Variants in COL20A1 observed in about 807,000 individuals in gnomAD.
COL20A1 encodes collagen alpha-1(XX) chain.
COL20A1 carries 164 observed loss-of-function variants against 152.9 expected under a neutral mutation model. The observed-to-expected ratio is 1.07, with a 90% CI of 0.94 to 1.22. The LOEUF is 1.22. COL20A1 is among the 50% of genes most tolerant of loss of function. The pLI is 0.00. For synonymous variants in COL20A1, 864 were observed against 756.0 expected, an observed-to-expected ratio of 1.14 and a Z score of -2.34; for missense variants, 1,873 against 1,744.8, an observed-to-expected ratio of 1.07 and a Z score of -1.31.
At chr20:63,295,346 A>G (rs1427560735) in intron 2 of COL20A1, among the ~76,000 whole-genome samples, 157 bp downstream of exon 2, 5 of 152,228 alleles carry the variant, frequency 3.3e-5, no homozygotes, top group Non-Finnish European at 5.9e-5. Flanking sequence ...GCAAGACGGG[A>G]GGGAGCGTGT....
At chr20:63,317,591 C>G (rs1245052332) in intron 21 of COL20A1, among the ~76,000 whole-genome samples, 1 of 152,132 alleles carries the variant, frequency 6.6e-6, no homozygotes, top group Non-Finnish European at 1.5e-5. Context: ...GAATGTCTCT[C>G]CCAGCCTGTT....
intron 3 of COL20A1, among the ~76,000 whole-genome samples, chr20:63,303,225 G>A (rs1250910824): frequency 6.6e-6 from 1 of 152,150 alleles, no homozygotes; most frequent in Non-Finnish European, 1.5e-5. Context: ...TCAAGCACTT[G>A]TGTTTATTTA....
Position 63,329,673 on chromosome 20 carries a change from C to T in COL20A1, c.*3+12C>T, listed in dbSNP as rs752615847. ...TCTGGGAGTGACAGGTGAGCCCCTGCTGCCTGCATCTATCTGCCAAGGCTG... is the reference window on the plus strand; with the variant it reads ...TCTGGGAGTGACAGGTGAGCCCCTGTTGCCTGCATCTATCTGCCAAGGCTG... On this transcript the variant is annotated intron_variant, in intron 35 of 35. Coordinates refer to ENST00000358894, the MANE Select transcript of COL20A1 (RefSeq NM_020882.4). The T allele has an allele frequency of 2.3e-5, 35 of 1,549,212 alleles. No homozygotes were observed. The Admixed American group carries it at 6.4e-4, about 28-fold the overall frequency.
rs1482455708 is a variant in COL20A1 at position 63,311,518 on chromosome 20, G to A, written c.1518G>A (p.Lys506=). The A allele has an allele frequency of 2.5e-6, 4 of 1,591,882 alleles. No homozygotes were observed. The South Asian group carries it at 4.5e-5, about 18-fold the overall frequency. ...YLVRCSPASP[K]GEEEEREVQV... ...TGCGATGTTCTCCTGCTTCCCCCAA[G>A]GGTGAAGAGGAGGAGCGAGAGGTGA... The change falls in exon 12 of 36, where the codon AAG becomes AAA. Residue 506 remains lysine, a synonymous_variant. Coordinates refer to ENST00000358894, the MANE Select transcript of COL20A1 (RefSeq NM_020882.4). This position sits in a 1 kb window ranked among gnomAD's most constrained non-coding sequence, Gnocchi z 4.4.
intron 7 of COL20A1, 134 bp from the exon 8 acceptor site, chr20:63,308,408 C>T: frequency 2.2e-6 from 2 of 921,964 alleles, no homozygotes; most frequent in Non-Finnish European, 3.2e-6. Flanking sequence ...TCCCTGCTCC[C>T]TTGGGCTGCT....
rs1451216479 is a variant in COL20A1, at chr20:63,311,164, C to T, written c.1394-230C>T. Among the ~76,000 whole-genome samples, 50 of 152,222 alleles carry T rather than the reference C, an allele frequency of 3.3e-4. No homozygotes were observed. Among genetic ancestry groups the T allele is most frequent in the African/African-American group, 2.4e-5 (1 of 41,448 alleles). On this transcript the variant is annotated intron_variant, in intron 11 of 35. Transcript: ENST00000358894. The surrounding 1 kb of genome is among the most constrained non-coding windows in gnomAD (Gnocchi z 4.4). ...TTCACCCCCCGGAGGCCACATTCCT[C>T]CCATGACCTCAAGGCAGATGGCCTT...
chr20:63,299,188 A>G (rs1220579643), intron 3 of COL20A1, among the ~76,000 whole-genome samples: 1 of 152,028 alleles, frequency 6.6e-6, no homozygotes, highest in Non-Finnish European at 1.5e-5. Flanking sequence ...TGTTGTGTAG[A>G]CGCCGTGTGA....
rs939342033 is a variant in COL20A1, at chr20:63,319,434, T to C, written c.2807-53T>C. The C allele has an allele frequency of 2.1e-5, 29 of 1,390,686 alleles. No homozygotes were observed. Among genetic ancestry groups the C allele is most frequent in the Non-Finnish European group, 2.7e-5 (27 of 1,005,958 alleles). The allele number at this position is 1,390,686 out of a possible 1,614,324, so 86.1% of individuals were successfully genotyped here. A position where few individuals can be genotyped will look rare whatever the true frequency, so the allele number is the denominator to read the frequency against. ...CGTGGGGGCCGCCCTGCTCAAGGTA[T>C]AGGCCCGGCTGGTTGCAGCCCGTTC... On this transcript the variant is annotated intron_variant, in intron 22 of 35. Coordinates refer to ENST00000358894, the MANE Select transcript of COL20A1 (RefSeq NM_020882.4). This position sits in a 1 kb window ranked among gnomAD's most constrained non-coding sequence, Gnocchi z 4.4.
At chr20:63,316,895 T>C (rs1443889272) in intron 21 of COL20A1, among the ~76,000 whole-genome samples, 4 of 152,214 alleles carry the variant, frequency 2.6e-5, no homozygotes, top group African/African-American at 7.2e-5. Flanking sequence ...AAAATCTCCA[T>C]GGGCAGAGTG....
At chr20:63,325,801 G>T (rs1015310518) in intron 29 of COL20A1, 80 bp downstream of exon 29, 1 of 1,303,710 alleles carries the variant, frequency 7.7e-7, no homozygotes, top group African/African-American at 1.5e-5. Flanking sequence ...GATGGAGGCT[G>T]TGGGGTAGGG....
Position 63,311,945 on chromosome 20 carries a change from T to A in COL20A1, c.1693T>A (p.Phe565Ile). The A allele has an allele frequency of 6.3e-7, 1 of 1,582,304 alleles. No individual in the cohort carries two copies. The highest frequency in any genetic ancestry group is 8.6e-7 in the Non-Finnish European group (1 of 1,166,906). The change falls in exon 14 of 36, where the codon TTC becomes ATC. Residue 565 changes from phenylalanine to isoleucine, a missense_variant. Physicochemically the swap from Phe to Ile is conservative, Grantham distance 21. Transcript: ENST00000358894. This position sits in a 1 kb window ranked among gnomAD's most constrained non-coding sequence, Gnocchi z 4.4. Reference sequence around the variant, plus strand: ...CCTGGCCCCCCCGAGACACCTGGGCTTCTCAGACGTGAGCCACGACGCGGC... The same window carrying A: ...CCTGGCCCCCCCGAGACACCTGGGCATCTCAGACGTGAGCCACGACGCGGC... Reference protein sequence around the residue: ...PTLAPPRHLGFSDVSHDAARV... With the variant: ...PTLAPPRHLGISDVSHDAARV...
intron 2 of COL20A1, among the ~76,000 whole-genome samples, chr20:63,296,041 A>G (rs1227978602): frequency 2.0e-5 from 3 of 152,268 alleles, no homozygotes; most frequent in Non-Finnish European, 4.4e-5. Flanking sequence ...GGGAGCCTCC[A>G]GGTGCCGCTG....
chr20:63,308,305 G>C (rs1409995395), intron 7 of COL20A1, among the ~76,000 whole-genome samples: 1 of 152,220 alleles, frequency 6.6e-6, no homozygotes, highest in Non-Finnish European at 1.5e-5. Flanking sequence ...CACATTAGCA[G>C]CTCTGGCTGG....
intron 32 of COL20A1, 43 bp downstream of exon 32, chr20:63,328,030 G>T (rs768606779): frequency 1.6e-5 from 25 of 1,612,588 alleles, no homozygotes. Context: ...GATCTCCTGG[G>T]AAGGCACCTG....
intron 19 of COL20A1, 25 bp from the exon 20 acceptor site, chr20:63,315,378 AC>A: frequency 2.6e-6 from 4 of 1,565,520 alleles, no homozygotes; most frequent in Non-Finnish European, 3.4e-6. Context: ...GCTCCCACTC[AC>A]ACTGACCCTG....
chr20:63,328,271 G>C (rs191094212), intron 33 of COL20A1, 60 bp from the exon 34 acceptor site: 1 of 1,569,836 alleles, frequency 6.4e-7, no homozygotes, highest in African/African-American at 1.4e-5. Context: ...GGCGTGGCCT[G>C]CACAGGCCTC....
rs1397391546 is a variant in COL20A1, at chr20:63,319,414, G to A, written c.2807-73G>A. 2.4e-6 allele frequency: 3 copies of A among 1,253,832 alleles called. No individual in the cohort carries two copies. The highest frequency in any genetic ancestry group is 3.4e-6 in the Non-Finnish European group (3 of 890,428). The allele number at this position is 1,253,832 out of a possible 1,614,324, so 77.7% of individuals were successfully genotyped here. A position where few individuals can be genotyped will look rare whatever the true frequency, so the allele number is the denominator to read the frequency against. On this transcript the variant is annotated intron_variant, in intron 22 of 35. Coordinates refer to ENST00000358894, the MANE Select transcript of COL20A1 (RefSeq NM_020882.4). The surrounding 1 kb of genome is among the most constrained non-coding windows in gnomAD (Gnocchi z 4.4). ...CAGGGCTGCTCCTGTCCTGTCGTGGGGGCCGCCCTGCTCAAGGTATAGGCC... is the reference window on the plus strand; with the variant it reads ...CAGGGCTGCTCCTGTCCTGTCGTGGAGGCCGCCCTGCTCAAGGTATAGGCC...
Position 63,312,815 on chromosome 20 carries a change from C to A in COL20A1, c.1957C>A (p.Leu653Met). 3.2e-6 allele frequency: 5 copies of A among 1,553,148 alleles called. No individual in the cohort carries two copies. Among genetic ancestry groups the A allele is most frequent in the Non-Finnish European group, 4.4e-6 (5 of 1,145,162 alleles). ...AGAGAAAGCTCCCAGCCCAAGCCAG[C>A]TGTCCATGACGGAGCTGCCAGGGGA... ...TTKKAPSPSQLSMTELPGDAV... is the reference protein window; with the variant it reads ...TTKKAPSPSQMSMTELPGDAV... Residue 653 changes from leucine (L) to methionine (M), a missense_variant, in exon 16 of 36, where the codon CTG becomes ATG. Transcript: ENST00000358894.
At chr20:63,318,792 C>A (rs2068117718) in intron 21 of COL20A1, among the ~76,000 whole-genome samples, 1 of 152,136 alleles carries the variant, frequency 6.6e-6, no homozygotes, top group African/African-American at 2.4e-5. Flanking sequence ...CCATGTTACT[C>A]ATGGGGAAAC....
Sources: allele counts gnomAD v4.1 joint callset (sites outside exome capture counted in the v4.1 genomes callset), GRCh38; gene constraint gnomAD v4.1.1; non-coding constraint Gnocchi (gnomAD v3.1); transcripts MANE v1.5; gene names NCBI Gene and HGNC (gene_info 2026-07-23, HGNC 2026-07-21).